STK32C: variants seen among roughly 807,000 people sequenced by gnomAD.
STK32C encodes serine/threonine kinase 32C.
A neutral mutation model predicts 56.5 loss-of-function variants in STK32C; 31 were observed. That is an observed-to-expected ratio of 0.55 (90% confidence interval 0.41 to 0.74). STK32C has a LOEUF of 0.74. Among genes scored for constraint, STK32C ranks in the 30% least tolerant of loss-of-function variants. STK32C has a pLI of 0.00. For synonymous variants in STK32C, 309 were observed against 289.4 expected, an observed-to-expected ratio of 1.07 and a Z score of -0.69; for missense variants, 544 against 676.9, an observed-to-expected ratio of 0.80 and a Z score of 2.18.
upstream of STK32C, chr10:132,308,015 AGGGGCGGGGGC>A: frequency 2.3e-5 from 1 of 43,964 alleles, no homozygotes; most frequent in Non-Finnish European, 3.1e-5. Flanking sequence ...GGCTTCTGGA[AGGGGCGGGGGC>A]GGGGCGGAGC....
Position 132,254,942 on chromosome 10 carries a change from C to T in STK32C, c.263-8987G>A, listed in dbSNP as rs920911503. Among the ~76,000 whole-genome samples, 5 of 152,066 alleles carry T rather than the reference C, an allele frequency of 3.3e-5. No individual in the cohort carries two copies. In the South Asian group the frequency reaches 6.2e-4, roughly 19 times the overall value. ...TGGATGAGCTGCCCACAGCTGCAGG[C>T]GTGTCCCAGGCCTGGGACGCTTCCC... On this transcript the variant is annotated intron_variant, in intron 1 of 11. Transcript: ENST00000298630.
At chr10:132,263,563 C>A (rs1398120496) in intron 1 of STK32C, among the ~76,000 whole-genome samples, 1 of 152,066 alleles carries the variant, frequency 6.6e-6, no homozygotes, top group African/African-American at 2.4e-5. Context: ...AGGCAACGAA[C>A]CTGCACCCTC....
intron 1 of STK32C, among the ~76,000 whole-genome samples, chr10:132,258,890 G>GCCTCCACCCT (rs1302369556): frequency 1.3e-5 from 2 of 152,280 alleles, no homozygotes; most frequent in East Asian, 1.9e-4. Flanking sequence ...CCGCCCGTGG[G>GCCTCCACCCT]CAGACGGGGG....
chr10:132,314,650 A>G (rs1467982589), intron 1 of STK32C, among the ~76,000 whole-genome samples: 1 of 152,234 alleles, frequency 6.6e-6, no homozygotes, highest in Non-Finnish European at 1.5e-5. Context: ...CTAAACACTA[A>G]AAAAGAATTT....
At chr10:132,292,882 C>T (rs190856886) in intron 1 of STK32C, among the ~76,000 whole-genome samples, 14 of 152,236 alleles carry the variant, frequency 9.2e-5, no homozygotes, top group Non-Finnish European at 1.5e-4. Flanking sequence ...GACCCGCTGC[C>T]GGTCCCTCCC....
Position 132,283,567 on chromosome 10 carries a change from C to T in STK32C, c.262+24005G>A, listed in dbSNP as rs117050174. 8.5e-3 allele frequency among the ~76,000 whole-genome samples: 1,296 copies of T among 152,328 alleles called. 14 individuals are homozygous for T. The highest frequency in any genetic ancestry group is 0.048 in the Middle Eastern group (14 of 294). On this transcript the variant is annotated intron_variant, in intron 1 of 11. Coordinates refer to ENST00000298630, the MANE Select transcript of STK32C (RefSeq NM_173575.4). ...TCCAGGCCGCCCATCTTCCTCGGCACAGAAGGCCAGTGAAGGGGGTGGTTT... is the reference window on the plus strand; with the variant it reads ...TCCAGGCCGCCCATCTTCCTCGGCATAGAAGGCCAGTGAAGGGGGTGGTTT...
chr10:132,329,956 T>C (rs1170070762), intron 1 of STK32C, among the ~76,000 whole-genome samples: 2 of 150,924 alleles, frequency 1.3e-5, no homozygotes, highest in Non-Finnish European at 3.0e-5. Context: ...GGCAGCAAAC[T>C]TCTCGGCAGG....
chr10:132,331,552 C>T, exon 1 of STK32C: 3 of 1,612,936 alleles, frequency 1.9e-6, no homozygotes, highest in Non-Finnish European at 2.5e-6. Flanking sequence ...TGGGGACAAG[C>T]AGCTCCTGTG....
intron 2 of STK32C, among the ~76,000 whole-genome samples, chr10:132,241,270 G>A (rs747954267): frequency 6.6e-6 from 1 of 152,234 alleles, no homozygotes; most frequent in Non-Finnish European, 1.5e-5. Flanking sequence ...CAAAGAGGAC[G>A]CCGACTGCCC....
chr10:132,279,197 G>T (rs180749200), intron 1 of STK32C, among the ~76,000 whole-genome samples: 2 of 152,158 alleles, frequency 1.3e-5, no homozygotes, highest in African/African-American at 4.8e-5. Flanking sequence ...CATCAAGACC[G>T]ATGTGCAGTG....
Position 132,258,577 on chromosome 10 carries a change from A to G in STK32C, c.263-12622T>C, listed in dbSNP as rs540589715. Among the ~76,000 whole-genome samples the G allele has an allele frequency of 7.8e-4, 119 of 152,350 alleles. 1 individual carries two copies. In the East Asian group the frequency reaches 0.017, roughly 21 times the overall value. ...CTCCCGGGTGGCTGGGCCAGCGCGC[A>G]GGCCTTCCTCTGGAATTCCTCCCAG... On this transcript the variant is annotated intron_variant, in intron 1 of 11. Transcript: ENST00000298630.
chr10:132,325,407 G>T (rs1409218887), intron 1 of STK32C, among the ~76,000 whole-genome samples: 1 of 151,980 alleles, frequency 6.6e-6, no homozygotes, highest in Non-Finnish European at 1.5e-5. Context: ...CAAAAAATTA[G>T]CCAGGCGTGG....
chr10:132,272,574 G>A (rs999241176), intron 1 of STK32C, among the ~76,000 whole-genome samples: 3 of 152,190 alleles, frequency 2.0e-5, no homozygotes, highest in South Asian at 2.1e-4. Flanking sequence ...CCCGTCTGTC[G>A]GGAAATCCTG....
Position 132,252,671 on chromosome 10 carries a change from G to A in STK32C, c.263-6716C>T, listed in dbSNP as rs74161749. ...TGGACGGAGCGGCTCGGAGCTCCGG[G>A]CCCACCAGCACCTGCCCTCATTGTG... On this transcript the variant is annotated intron_variant, in intron 1 of 11. Transcript: ENST00000298630. Among the ~76,000 whole-genome samples, 1,217 of 152,170 alleles carry A rather than the reference G, an allele frequency of 8.0e-3. 10 individuals carry two copies. The highest frequency in any genetic ancestry group is 0.027 in the African/African-American group (1,119 of 41,576).
At chr10:132,309,163 T>C (rs189144153), upstream of STK32C, among the ~76,000 whole-genome samples, 306 of 152,234 alleles carry the variant, frequency 2.0e-3, 2 homozygotes, top group African/African-American at 6.9e-3. Flanking sequence ...ATTCAGCCAC[T>C]GTGAGCCCTG....
chr10:132,223,970 G>A (rs1359974581), intron 8 of STK32C, among the ~76,000 whole-genome samples: 1 of 152,222 alleles, frequency 6.6e-6, no homozygotes, highest in African/African-American at 2.4e-5. Flanking sequence ...TTTGCAGTGG[G>A]CAGTGGCTGC....
Position 132,245,933 on chromosome 10 carries a change from G to A in STK32C, c.285C>T (p.Ile95=), listed in dbSNP as rs756257486. 5.0e-6 allele frequency: 8 copies of A among 1,613,626 alleles called. No homozygotes were observed. The East Asian group carries it at 6.7e-5, about 13-fold the overall frequency. ...AGCTGCCCTTCCCAATGGCCCGAAG[G>A]ATCTGGAAGTGGTCGAAGTTCACTG... The part of the protein sequence containing the change: ...KEDVNFDHFQ[I]LRAIGKGSFG... The change falls in exon 2 of 12, where the codon ATC becomes ATT. Residue 95 remains isoleucine, a synonymous_variant. Transcript: ENST00000298630.
chr10:132,276,519 C>A (rs554530165), intron 1 of STK32C, among the ~76,000 whole-genome samples: 1 of 152,324 alleles, frequency 6.6e-6, no homozygotes, highest in East Asian at 1.9e-4. Context: ...CGGCGGCTCA[C>A]GCCTGTCATC....
chr10:132,259,948 G>A (rs1276765898), intron 1 of STK32C, among the ~76,000 whole-genome samples: 1 of 152,164 alleles, frequency 6.6e-6, no homozygotes, highest in Non-Finnish European at 1.5e-5. Context: ...AGGGGTTGTT[G>A]CCATGGTTTC....
Sources: allele counts gnomAD v4.1 joint callset (sites outside exome capture counted in the v4.1 genomes callset), GRCh38; gene constraint gnomAD v4.1.1; transcripts MANE v1.5; gene names NCBI Gene and HGNC (gene_info 2026-07-23, HGNC 2026-07-21).